ZNF804B: variants seen among roughly 807,000 people sequenced by gnomAD.
ZNF804B encodes zinc finger 804B.
In ZNF804B, 80 loss-of-function variants were observed where a neutral mutation model predicts 101.4. The ratio of observed to expected loss-of-function variants is 0.79; its 90% CI spans 0.66 to 0.95. The LOEUF is 0.95. Ranked by LOEUF, ZNF804B falls within the 40% of genes least tolerant of loss-of-function variation. ZNF804B has a pLI of 0.00. For synonymous variants in ZNF804B, 622 were observed against 558.8 expected, an observed-to-expected ratio of 1.11 and a Z score of -1.59; for missense variants, 1,673 against 1,561.9, an observed-to-expected ratio of 1.07 and a Z score of -1.20.
At chr7:89,293,653 C>T (rs1044366841) in intron 2 of ZNF804B, among the ~76,000 whole-genome samples, 2 of 151,958 alleles carry the variant, frequency 1.3e-5, no homozygotes, top group Admixed American at 1.3e-4. Context: ...GGCCTGGTGG[C>T]AGGCACCTGT....
intron 2 of ZNF804B, among the ~76,000 whole-genome samples, chr7:89,295,396 A>C (rs1026261672): frequency 1.3e-5 from 2 of 152,106 alleles, no homozygotes; most frequent in African/African-American, 4.8e-5. Context: ...CTTACTTTGC[A>C]TATTCCCTGG....
intron 1 of ZNF804B, among the ~76,000 whole-genome samples, chr7:88,822,116 C>A (rs139122006): frequency 4.8e-4 from 73 of 152,240 alleles, no homozygotes; most frequent in Admixed American, 4.1e-3. Context: ...TTATACTTAT[C>A]CATTTTCTTT....
chr7:88,916,146 A>T (rs1363290601), intron 1 of ZNF804B, among the ~76,000 whole-genome samples: 1 of 152,110 alleles, frequency 6.6e-6, no homozygotes, highest in Non-Finnish European at 1.5e-5. Context: ...CAGGAGAAAG[A>T]ATATAGAAGG....
Position 89,284,376 on chromosome 7 carries a change from T to C in ZNF804B, c.250-42968T>C, listed in dbSNP as rs540672960. Among the ~76,000 whole-genome samples the C allele has an allele frequency of 3.9e-5, 6 of 152,310 alleles. No individual in the cohort carries two copies. The East Asian group carries it at 1.2e-3, about 29-fold the overall frequency. ...GTACCTTGAGTAACCATGGGACCCATATGAAGTAGCACTAGTGATGCCAAA... is the reference window on the plus strand; with the variant it reads ...GTACCTTGAGTAACCATGGGACCCACATGAAGTAGCACTAGTGATGCCAAA... On this transcript the variant is annotated intron_variant, in intron 2 of 3. Coordinates refer to ENST00000333190, the MANE Select transcript of ZNF804B (RefSeq NM_181646.5).
At position 89,218,172 on chromosome 7, in the gene ZNF804B, G is replaced by A; in HGVS notation, c.126G>A (p.Lys42=). The stretch of plus-strand genomic sequence containing the variant: ...TCTTAAAGGATTTTGCAGAAAAGAA[G>A]TCCACAGCAAAGGCCCTGGAAGATG... ...GSPSPDFAEK[K]STAKALEDVK... is the part of the protein sequence containing the mutation. Residue 42 remains lysine (K), a synonymous_variant, in exon 2 of 4, where the codon AAG becomes AAA. Transcript: ENST00000333190. 1 of 1,612,690 alleles carries A rather than the reference G, an allele frequency of 6.2e-7. No homozygotes were observed. The highest frequency in any genetic ancestry group is 8.5e-7 in the Non-Finnish European group (1 of 1,179,516).
At chr7:88,839,784 T>C (rs1791269068) in intron 1 of ZNF804B, among the ~76,000 whole-genome samples, 1 of 151,598 alleles carries the variant, frequency 6.6e-6, no homozygotes, top group Non-Finnish European at 1.5e-5. Context: ...GTGCACATCA[T>C]TTCTTCATCT....
At chr7:89,146,020 A>C (rs1393358554) in intron 1 of ZNF804B, among the ~76,000 whole-genome samples, 1 of 152,076 alleles carries the variant, frequency 6.6e-6, no homozygotes, top group Non-Finnish European at 1.5e-5. Flanking sequence ...CTCCAAATAA[A>C]GAGATCATTG....
In ZNF804B at chr7:88,877,026, A is replaced by AAT. The variant is rs1231449305; in HGVS notation, c.108+116965_108+116966dup. Among the ~76,000 whole-genome samples, 148 of 41,084 alleles carry AAT rather than the reference A, an allele frequency of 3.6e-3. 3 individuals are homozygous for AAT. Among genetic ancestry groups the AAT allele is most frequent in the Non-Finnish European group, 4.1e-3 (117 of 28,652 alleles). The allele number at this position is 41,084 out of a possible 152,430, so 27.0% of individuals were successfully genotyped here. On this transcript the variant is annotated intron_variant, in intron 1 of 3. Transcript: ENST00000333190. The stretch of plus-strand genomic sequence containing the variant: ...AAAAAAAATATATATATATATATAT[A>AAT]ATATATATATATATATATATATATT...
At chr7:88,840,613 A>G (rs1436200808) in intron 1 of ZNF804B, among the ~76,000 whole-genome samples, 1 of 152,178 alleles carries the variant, frequency 6.6e-6, no homozygotes, top group Admixed American at 6.6e-5. Flanking sequence ...TTTGTAGGAC[A>G]TTAACCATTA....
intron 1 of ZNF804B, among the ~76,000 whole-genome samples, chr7:88,837,645 C>T (rs1791234369): frequency 6.6e-6 from 1 of 151,820 alleles, no homozygotes; most frequent in Non-Finnish European, 1.5e-5. Context: ...TAATAAGTCA[C>T]CAATTGTCAA....
Position 89,335,539 on chromosome 7 carries a change from A to C in ZNF804B, c.2557A>C (p.Arg853=), listed in dbSNP as rs747021468. 1.9e-6 allele frequency: 3 copies of C among 1,613,850 alleles called. No individual in the cohort carries two copies. Among genetic ancestry groups the C allele is most frequent in the East Asian group, 4.5e-5 (2 of 44,870 alleles). The change falls in exon 4 of 4, where the codon AGA becomes CGA. Residue 853 remains arginine, a synonymous_variant. Transcript: ENST00000333190. ...TAATTGCCAGGGAACTCAGCACGAC[A>C]GATTGGACTCTTACTCAATAGAGAA... ...PPNCQGTQHD[R]LDSYSIEKMY...
intron 1 of ZNF804B, among the ~76,000 whole-genome samples, chr7:88,762,521 G>A (rs950435772): frequency 2.0e-5 from 3 of 152,000 alleles, no homozygotes; most frequent in African/African-American, 7.2e-5. Flanking sequence ...CTAATTAATT[G>A]CAAAATATGA....
At chr7:88,984,624 A>G (rs899615826) in intron 1 of ZNF804B, among the ~76,000 whole-genome samples, 4 of 152,062 alleles carry the variant, frequency 2.6e-5, no homozygotes, top group Non-Finnish European at 5.9e-5. Context: ...GTGCAGTGCA[A>G]TAGGGAGTAT....
chr7:89,296,369 T>C (rs530409049), intron 2 of ZNF804B, among the ~76,000 whole-genome samples: 20 of 152,160 alleles, frequency 1.3e-4, no homozygotes, highest in Admixed American at 2.6e-4. Flanking sequence ...TTTGGTGTTA[T>C]GAAGCTTTCT....
intron 1 of ZNF804B, among the ~76,000 whole-genome samples, chr7:88,840,439 C>T (rs1232628538): frequency 6.6e-6 from 1 of 152,034 alleles, no homozygotes; most frequent in Non-Finnish European, 1.5e-5. Context: ...CAACAATTGT[C>T]TGTAAAATAA....
intron 2 of ZNF804B, among the ~76,000 whole-genome samples, chr7:89,228,068 G>C (rs370634082): frequency 1.3e-5 from 2 of 152,080 alleles, no homozygotes; most frequent in Admixed American, 6.5e-5. Flanking sequence ...AGACCCTCGC[G>C]GTGAGTGTTA....
intron 2 of ZNF804B, among the ~76,000 whole-genome samples, chr7:89,313,335 G>T (rs1790671804): frequency 6.6e-6 from 1 of 152,096 alleles, no homozygotes; most frequent in South Asian, 2.1e-4. Context: ...AATTATCCTG[G>T]GATCTGTAGA....
In ZNF804B at chr7:88,959,611, C is replaced by G. The variant is rs370384919; in HGVS notation, c.108+199527C>G. 1.3e-4 allele frequency among the ~76,000 whole-genome samples: 20 copies of G among 151,478 alleles called. No homozygotes were observed. In the South Asian group the frequency reaches 4.1e-3, roughly 31 times the overall value. On this transcript the variant is annotated intron_variant, in intron 1 of 3. Coordinates refer to ENST00000333190, the MANE Select transcript of ZNF804B (RefSeq NM_181646.5). ...TGATACCTGGTTTCTGCCAATTTGT[C>G]CATCCCCACACTGAATCTCATCTGC...
At chr7:89,179,365 C>T (rs1195840677) in intron 1 of ZNF804B, among the ~76,000 whole-genome samples, 3 of 151,796 alleles carry the variant, frequency 2.0e-5, no homozygotes, top group Non-Finnish European at 4.4e-5. Context: ...TTTGTCTCCT[C>T]CGACTGTCTT....
Sources: allele counts gnomAD v4.1 joint callset (sites outside exome capture counted in the v4.1 genomes callset), GRCh38; gene constraint gnomAD v4.1.1; transcripts MANE v1.5; gene names NCBI Gene and HGNC (gene_info 2026-07-23, HGNC 2026-07-21).